The following EIF2S3B variants were observed in gnomAD, a reference collection of about 807,000 sequenced individuals.
EIF2S3B encodes the protein eukaryotic translation initiation factor 2 subunit 3B.
Under a neutral mutation model 26.4 loss-of-function variants are expected in EIF2S3B, and 16 were observed. The observed-to-expected ratio is 0.61, with a 90% CI of 0.41 to 0.92. EIF2S3B has a LOEUF of 0.92. EIF2S3B is among the 40% of genes least tolerant of loss of function. The pLI is 0.00. For synonymous variants in EIF2S3B, 183 were observed against 204.4 expected, an observed-to-expected ratio of 0.90 and a Z score of 0.89; for missense variants, 510 against 575.5, an observed-to-expected ratio of 0.89 and a Z score of 1.16.
chr12:10,515,287 T>G (rs1410457926), intron 1 of EIF2S3B, among the ~76,000 whole-genome samples: 1 of 151,824 alleles, frequency 6.6e-6, no homozygotes, highest in Non-Finnish European at 1.5e-5. Context: ...TAGCAGTATT[T>G]TATATTTCAA....
At chr12:10,515,159 G>GC (rs1864742289) in intron 1 of EIF2S3B, among the ~76,000 whole-genome samples, 1 of 151,542 alleles carries the variant, frequency 6.6e-6, no homozygotes, top group South Asian at 2.1e-4. Context: ...TTTACCTTCA[G>GC]CCCCCCAATT....
rs556579922 is a variant in EIF2S3B at position 10,506,608 on chromosome 12, T to C, written c.706T>C (p.Cys236Arg). Residue 236 changes from cysteine to arginine, a missense_variant, in exon 1 of 1, where the codon TGT becomes CGT. Cys to Arg is a radical substitution (Grantham distance 180). Coordinates refer to ENST00000538173, the MANE Select transcript of EIF2S3B (RefSeq NM_001357734.3). ...GCTGAAATACAATATTGAAGTTGTT[T>C]GTGAGTACATAGTAAAGAAAATTCC... ...AQLKYNIEVV[C>R]EYIVKKIPVP... The C allele has an allele frequency of 3.9e-4, 620 of 1,608,608 alleles. No homozygotes were observed. The highest frequency in any genetic ancestry group is 5.1e-4 in the Non-Finnish European group (597 of 1,175,116).
exon 2 of EIF2S3B, chr12:10,522,668 A>G (rs947368204): frequency 4.3e-5 from 30 of 697,772 alleles, no homozygotes; most frequent in Non-Finnish European, 6.8e-5. Context: ...CCAATGAGAC[A>G]CAGAGGAAGT....
At chr12:10,519,662 G>A (rs979932985) in intron 1 of EIF2S3B, among the ~76,000 whole-genome samples, 1 of 151,828 alleles carries the variant, frequency 6.6e-6, no homozygotes, top group African/African-American at 2.4e-5. Context: ...CAAATTTACA[G>A]GAAAAAAACG....
intron 1 of EIF2S3B, among the ~76,000 whole-genome samples, chr12:10,517,224 G>A (rs1367567298): frequency 6.6e-6 from 1 of 152,168 alleles, no homozygotes; most frequent in Non-Finnish European, 1.5e-5. Context: ...GAATTCAGCT[G>A]TGAATCCATC....
chr12:10,520,707 C>T (rs7973212), intron 1 of EIF2S3B, among the ~76,000 whole-genome samples: 150,428 of 152,230 alleles, frequency 0.99, 74,339 homozygotes, highest in Middle Eastern at 1. Context: ...TGTCTCTGTG[C>T]ATGTCACTCT....
intron 1 of EIF2S3B, among the ~76,000 whole-genome samples, chr12:10,517,202 G>T (rs1268053314): frequency 1.3e-5 from 2 of 152,146 alleles, no homozygotes; most frequent in Non-Finnish European, 2.9e-5. Context: ...GTTCCTCCTT[G>T]TATCTCTGGT....
At chr12:10,515,976 G>A (rs1864751518) in intron 1 of EIF2S3B, among the ~76,000 whole-genome samples, 1 of 150,404 alleles carries the variant, frequency 6.6e-6, no homozygotes, top group Non-Finnish European at 1.5e-5. Context: ...ATAGGTGTTA[G>A]TATATATATA....
Position 10,506,505 on chromosome 12 carries a change from A to G in EIF2S3B, c.603A>G (p.Lys201=). 1.9e-6 allele frequency: 3 copies of G among 1,601,884 alleles called. No homozygotes were observed. Among genetic ancestry groups the G allele is most frequent in the Non-Finnish European group, 2.6e-6 (3 of 1,168,764 alleles). ...KIDLVKERQA[K]EQYEQILAFV... The stretch of plus-strand genomic sequence containing the variant: ...ATTTGGTAAAAGAAAGGCAGGCTAA[A>G]GAACAATACGAGCAGATCCTTGCGT... The change falls in exon 1 of 1, where the codon AAA becomes AAG. Residue 201 remains lysine (K), a synonymous_variant. Transcript: ENST00000538173.
rs2137941049 is a variant in EIF2S3B at position 10,507,076 on chromosome 12, G to C, written c.1174G>C (p.Ala392Pro). Residue 392 changes from alanine (A) to proline (P), a missense_variant, in exon 1 of 1, where the codon GCA becomes CCA. Coordinates refer to ENST00000538173, the MANE Select transcript of EIF2S3B (RefSeq NM_001357734.3). ...TGTACGCACTGAAGGAGACAAGAAA[G>C]CAGCAAAGGTTCAAAAGCTGTCTAA... ...LGVRTEGDKK[A>P]AKVQKLSKNE... 3 of 1,613,814 alleles carry C rather than the reference G, an allele frequency of 1.9e-6. No individual in the cohort carries two copies. Among genetic ancestry groups the C allele is most frequent in the African/African-American group, 2.7e-5 (2 of 75,028 alleles).
At chr12:10,514,934 T>A (rs1165321004) in intron 1 of EIF2S3B, among the ~76,000 whole-genome samples, 1 of 152,048 alleles carries the variant, frequency 6.6e-6, no homozygotes, top group Non-Finnish European at 1.5e-5. Flanking sequence ...GTAACATGAG[T>A]CATATTGGTC....
At chr12:10,509,128 TAAATGTTTAAAG>T (rs1207473610), downstream of EIF2S3B, among the ~76,000 whole-genome samples, 1 of 152,114 alleles carries the variant, frequency 6.6e-6, no homozygotes, top group East Asian at 1.9e-4. Context: ...TTTGTCCTGT[TAAATGTTTAAAG>T]AAAGATTAAC....
chr12:10,511,724 C>A (rs962029595), downstream of EIF2S3B, among the ~76,000 whole-genome samples: 1 of 152,104 alleles, frequency 6.6e-6, no homozygotes, highest in Admixed American at 6.6e-5. Context: ...AGGGATTTGT[C>A]TCTATGTTGA....
rs776488005 is a variant in EIF2S3B at position 10,506,544 on chromosome 12, A to G, written c.642A>G (p.Thr214=). Residue 214 remains threonine (T), a synonymous_variant, in exon 1 of 1, where the codon ACA becomes ACG. Coordinates refer to ENST00000538173, the MANE Select transcript of EIF2S3B (RefSeq NM_001357734.3). ...YEQILAFVQG[T]VAEGAPIIPI... ...AGATCCTTGCGTTTGTCCAAGGTAC[A>G]GTAGCAGAGGGAGCTCCCATTATTC... The G allele has an allele frequency of 4.4e-6, 7 of 1,590,860 alleles. No individual in the cohort carries two copies. The African/African-American group carries it at 8.1e-5, about 18-fold the overall frequency.
In EIF2S3B at chr12:10,522,942, CAAATA is replaced by C. The variant is rs570360606; in HGVS notation, c.*252_*256del. On this transcript the variant is annotated 3_prime_UTR_variant, in exon 2 of 2. Coordinates refer to the EIF2S3B transcript ENST00000322446. ...GCTGCTTTCATCTGAAATACACAAACAAATAAAATTATATTTATATACACATAAAC... is the reference window on the plus strand; with the variant it reads ...GCTGCTTTCATCTGAAATACACAAACAAATTATATTTATATACACATAAAC... 4.9e-4 allele frequency: 134 copies of C among 275,840 alleles called. 5 individuals carry two copies. The South Asian group carries it at 0.012, about 24-fold the overall frequency. The allele number at this position is 275,840 out of a possible 1,614,324, so 17.1% of individuals were successfully genotyped here.
At chr12:10,519,792 A>C (rs1338403503) in intron 1 of EIF2S3B, among the ~76,000 whole-genome samples, 1 of 151,612 alleles carries the variant, frequency 6.6e-6, no homozygotes, top group Non-Finnish European at 1.5e-5. Context: ...GAGAAATGCA[A>C]ATCAAAACCA....
rs61734588 is a variant in EIF2S3B, at chr12:10,506,985, C to G, written c.1083C>G (p.Val361=). The change falls in exon 1 of 1, where the codon GTC becomes GTG. Residue 361 remains valine (V), a synonymous_variant. Coordinates refer to ENST00000538173, the MANE Select transcript of EIF2S3B (RefSeq NM_001357734.3). ...DRMVGQILGA[V]GALPEIFTEL... ...TGGTGGGGCAAATACTTGGTGCAGTCGGAGCTTTACCTGAGATATTCACAG... is the reference window on the plus strand; with the variant it reads ...TGGTGGGGCAAATACTTGGTGCAGTGGGAGCTTTACCTGAGATATTCACAG... 6.2e-7 allele frequency: 1 copy of G among 1,613,682 alleles called. No individual in the cohort carries two copies.
downstream of EIF2S3B, among the ~76,000 whole-genome samples, chr12:10,510,280 C>T (rs1864691643): frequency 6.6e-6 from 1 of 152,118 alleles, no homozygotes; most frequent in South Asian, 2.1e-4. Context: ...ACTAAAGGTA[C>T]CTCCACCAAA....
At position 10,506,284 on chromosome 12, in the gene EIF2S3B, A is replaced by G. The variant is rs766798509; in HGVS notation, c.382A>G (p.Arg128Gly). 6.6e-5 allele frequency: 106 copies of G among 1,613,890 alleles called. No homozygotes were observed. Among genetic ancestry groups the G allele is most frequent in the Non-Finnish European group, 8.6e-5 (101 of 1,179,892 alleles). The change falls in exon 1 of 1, where the codon AGA (arginine) becomes GGA (glycine). Residue 128 changes from arginine (R) to glycine (G), a missense_variant. Coordinates refer to ENST00000538173, the MANE Select transcript of EIF2S3B (RefSeq NM_001357734.3). ...AACCAAAGGGAACTTCAGATTAGTC[A>G]GACATGTTTCCTTTGTTGACTGTCC... Reference protein sequence around the residue: ...PGTKGNFRLVRHVSFVDCPGH... With the variant: ...PGTKGNFRLVGHVSFVDCPGH...
Sources: gnomAD v4.1 joint callset for allele counts (sites outside exome capture counted in the v4.1 genomes callset) on GRCh38, gnomAD v4.1.1 for gene constraint, MANE v1.5 for transcripts, NCBI Gene and HGNC (gene_info 2026-07-23, HGNC 2026-07-21) for gene names.